The following SLIT3 variants were observed in gnomAD, a reference collection of about 807,000 sequenced individuals.
SLIT3 encodes slit homolog 3 protein.
In SLIT3, 68 loss-of-function variants were observed where a neutral mutation model predicts 184.0. That is an observed-to-expected ratio of 0.37 (90% CI 0.30 to 0.45). The LOEUF (loss-of-function observed/expected upper bound fraction) is 0.45. Ranked by LOEUF, SLIT3 falls within the 20% of genes least tolerant of loss-of-function variation. The pLI is 1.00. For missense variants in SLIT3, 1,707 were observed against 2,026.0 expected, an observed-to-expected ratio of 0.84 and a Z score of 3.02; for synonymous variants, 831 against 828.6, an observed-to-expected ratio of 1.00 and a Z score of -0.05.
chr5:168,916,867 C>T (rs994058013), intron 4 of SLIT3, among the ~76,000 whole-genome samples: 1 of 152,130 alleles, frequency 6.6e-6, no homozygotes, highest in African/African-American at 2.4e-5. Flanking sequence ...AAGCCTTATA[C>T]AGGTAGATTG....
chr5:168,710,874 T>G (rs756170624), intron 25 of SLIT3, 21 bp downstream of exon 25: 5 of 1,476,186 alleles, frequency 3.4e-6, no homozygotes, highest in South Asian at 2.7e-5. Flanking sequence ...CAGGGGAGGG[T>G]GGGGTGTGGG....
At chr5:169,245,531 G>T (rs1765560762) in intron 2 of SLIT3, among the ~76,000 whole-genome samples, 2 of 152,320 alleles carry the variant, frequency 1.3e-5, no homozygotes, top group South Asian at 4.1e-4. Context: ...ATGAAGCTAT[G>T]TAGCTTCCAT....
intron 3 of SLIT3, among the ~76,000 whole-genome samples, chr5:169,231,967 G>C (rs141084890): frequency 9.2e-5 from 14 of 152,192 alleles, no homozygotes; most frequent in African/African-American, 3.4e-4. Flanking sequence ...CTTCTTTTGC[G>C]AAGTGTCCAA....
At chr5:169,134,314 C>T (rs554043898) in intron 4 of SLIT3, among the ~76,000 whole-genome samples, 1 of 152,222 alleles carries the variant, frequency 6.6e-6, no homozygotes, top group Non-Finnish European at 1.5e-5. Context: ...TTGCAACCAC[C>T]TGGGGCCTCT....
At chr5:168,802,700 C>A (rs1182039543) in intron 9 of SLIT3, among the ~76,000 whole-genome samples, 1 of 152,174 alleles carries the variant, frequency 6.6e-6, no homozygotes, top group Non-Finnish European at 1.5e-5. Context: ...GTAGCTCCAG[C>A]TCCTAGGATG....
intron 6 of SLIT3, among the ~76,000 whole-genome samples, chr5:168,840,016 G>GT (rs1468008035): frequency 1.3e-5 from 2 of 152,222 alleles, no homozygotes; most frequent in Non-Finnish European, 2.9e-5. Flanking sequence ...AATCTGGACA[G>GT]TGAGAGGTCA....
At chr5:168,810,985 A>G (rs1426911323) in intron 8 of SLIT3, among the ~76,000 whole-genome samples, 1 of 152,150 alleles carries the variant, frequency 6.6e-6, no homozygotes, top group Non-Finnish European at 1.5e-5. Flanking sequence ...AGACTGAGCC[A>G]TAACCAGGGA....
intron 4 of SLIT3, among the ~76,000 whole-genome samples, chr5:169,008,480 A>G (rs962506335): frequency 6.6e-6 from 1 of 152,210 alleles, no homozygotes; most frequent in Admixed American, 6.5e-5. Flanking sequence ...AGAAATCCAC[A>G]GACCTCTTGG....
intron 4 of SLIT3, among the ~76,000 whole-genome samples, chr5:169,098,189 G>A (rs1436519402): frequency 3.3e-5 from 5 of 152,020 alleles, no homozygotes; most frequent in African/African-American, 1.2e-4. Context: ...TAATTATTCA[G>A]TCACGAATTA....
At chr5:168,960,459 C>T (rs1041991023) in intron 4 of SLIT3, among the ~76,000 whole-genome samples, 1 of 152,206 alleles carries the variant, frequency 6.6e-6, no homozygotes, top group Admixed American at 6.5e-5. Flanking sequence ...TCCCATATCT[C>T]CTTTACATGC....
chr5:168,767,290 G>T (rs1439953601), intron 14 of SLIT3, among the ~76,000 whole-genome samples: 2 of 152,164 alleles, frequency 1.3e-5, no homozygotes, highest in Non-Finnish European at 2.9e-5. Context: ...CTAGGCTAAA[G>T]TTCCCACCTT....
At chr5:169,145,583 C>T (rs946030879) in intron 4 of SLIT3, among the ~76,000 whole-genome samples, 1 of 152,202 alleles carries the variant, frequency 6.6e-6, no homozygotes, top group Non-Finnish European at 1.5e-5. Flanking sequence ...CACCCGTTAA[C>T]AGAGCTAATG....
At chr5:168,754,850 A>G in intron 16 of SLIT3, among the ~76,000 whole-genome samples, 1 of 152,232 alleles carries the variant, frequency 6.6e-6, no homozygotes, top group Non-Finnish European at 1.5e-5. Flanking sequence ...GAGTTAAAAT[A>G]GTGACTCTCA....
Position 169,300,347 on chromosome 5 carries a change from A to G in SLIT3, c.197+166T>C, listed in dbSNP as rs1767643658. Among the ~76,000 whole-genome samples the G allele has an allele frequency of 6.6e-6, 1 of 152,142 alleles. No homozygotes were observed. The highest frequency in any genetic ancestry group is 1.5e-5 in the Non-Finnish European group (1 of 68,020). On this transcript the variant is annotated intron_variant, in intron 1 of 35. Coordinates refer to ENST00000519560, the MANE Select transcript of SLIT3 (RefSeq NM_003062.4). The surrounding 1 kb of genome is among the most constrained non-coding windows in gnomAD (Gnocchi z 4.1). Reference sequence around the variant, plus strand: ...GAGACCTCTCTTTCCAGATCTGACCAAGCCTACAGACCCCCAGCTCGGAGA... The same window carrying G: ...GAGACCTCTCTTTCCAGATCTGACCGAGCCTACAGACCCCCAGCTCGGAGA...
At chr5:169,083,300 GT>G (rs1393575742) in intron 4 of SLIT3, among the ~76,000 whole-genome samples, 1 of 151,218 alleles carries the variant, frequency 6.6e-6, no homozygotes, top group Non-Finnish European at 1.5e-5. Context: ...CCTCAAGAGA[GT>G]CATACAAAAA....
rs551439549 is a variant in SLIT3 at position 169,201,573 on chromosome 5, C to T, written c.342-8023G>A. On this transcript the variant is annotated intron_variant, in intron 3 of 35. Coordinates refer to ENST00000519560, the MANE Select transcript of SLIT3 (RefSeq NM_003062.4). ...TGGAAATTCAGGAGATTTATTTCTC[C>T]TTCATAGATGACTATATCAGTCAGC... Among the ~76,000 whole-genome samples, 5 of 152,254 alleles carry T rather than the reference C, an allele frequency of 3.3e-5. No individual in the cohort carries two copies. The South Asian group carries it at 1.0e-3, about 32-fold the overall frequency.
intron 4 of SLIT3, among the ~76,000 whole-genome samples, chr5:168,929,228 C>A (rs187898160): frequency 2.5e-4 from 38 of 152,222 alleles, no homozygotes; most frequent in Non-Finnish European, 3.8e-4. Context: ...ACCATTTTAC[C>A]CCCAAGTGTG....
chr5:169,192,331 C>T (rs889183940), intron 4 of SLIT3, among the ~76,000 whole-genome samples: 24 of 151,978 alleles, frequency 1.6e-4, no homozygotes, highest in African/African-American at 5.6e-4. Flanking sequence ...AGAAGGCAAG[C>T]GAGACCACTG....
intron 29 of SLIT3, among the ~76,000 whole-genome samples, chr5:168,687,644 CTG>C (rs2113234201): frequency 6.6e-6 from 1 of 152,348 alleles, no homozygotes; most frequent in Admixed American, 6.5e-5. Context: ...CATTACCTCT[CTG>C]TGTTTCAGTT....
Sources: gnomAD v4.1 joint callset for allele counts (sites outside exome capture counted in the v4.1 genomes callset) on GRCh38, gnomAD v4.1.1 for gene constraint, Gnocchi (gnomAD v3.1) non-coding constraint, MANE v1.5 for transcripts, NCBI Gene and HGNC (gene_info 2026-07-23, HGNC 2026-07-21) for gene names.